The following JAK2 variants were observed in gnomAD, a reference collection of about 807,000 sequenced individuals.
The protein encoded by JAK2 is Janus kinase 2.
JAK2 carries 86 observed loss-of-function variants against 139.3 expected under a neutral mutation model. The ratio of observed to expected loss-of-function variants is 0.62; its 90% CI spans 0.52 to 0.74. The LOEUF is 0.74. JAK2 is among the 30% of genes least tolerant of loss of function. The pLI is 0.00. For missense variants in JAK2, 1,421 were observed against 1,360.3 expected (o/e 1.04, Z -0.70); for synonymous variants, 490 against 437.7 (o/e 1.12, Z -1.49).
chr9:5,013,667 T>G lies in JAK2; in HGVS notation c.-25-8296T>G, dbSNP rs372630195. ...TTCATTACTTGTCAAAATTCTATTT[T>G]CCTTTTAAGGTCCAGCCTATGTTTT... On this transcript the variant is annotated intron_variant, in intron 2 of 24. Coordinates refer to ENST00000381652, the MANE Select transcript of JAK2 (RefSeq NM_004972.4). Among the ~76,000 whole-genome samples the G allele has an allele frequency of 4.0e-3, 606 of 152,342 alleles. 4 individuals carry two copies. The highest frequency in any genetic ancestry group is 0.014 in the African/African-American group (578 of 41,576).
chr9:5,084,885 A>G (rs1332753855), intron 19 of JAK2: 1 of 422,290 alleles, frequency 2.4e-6, no homozygotes, highest in Non-Finnish European at 4.5e-6. Flanking sequence ...AATAAGTTTG[A>G]TATCTTTTAA....
At chr9:5,079,192 C>G (rs1819508667) in intron 16 of JAK2, among the ~76,000 whole-genome samples, 1 of 152,132 alleles carries the variant, frequency 6.6e-6, no homozygotes, top group Non-Finnish European at 1.5e-5. Flanking sequence ...GGTCTTACAT[C>G]TGGTATCCTG....
chr9:5,101,774 C>G (rs935946523), intron 22 of JAK2, among the ~76,000 whole-genome samples: 2 of 152,178 alleles, frequency 1.3e-5, no homozygotes, highest in African/African-American at 4.8e-5. Context: ...TGGAGTGGAC[C>G]TCCAGCAAAC....
At chr9:5,022,807 C>T (rs7851556) in intron 3 of JAK2, among the ~76,000 whole-genome samples, 51,600 of 152,030 alleles carry the variant, frequency 0.34, 9,375 homozygotes, top group African/African-American at 0.48. Flanking sequence ...ATAGAGCCTA[C>T]TATCATGGTA....
chr9:5,115,995 G>A (rs529530282), intron 22 of JAK2, among the ~76,000 whole-genome samples: 10 of 152,054 alleles, frequency 6.6e-5, no homozygotes, highest in African/African-American at 1.7e-4. Flanking sequence ...ACCATGACAC[G>A]TGTATACCTA....
intron 22 of JAK2, chr9:5,111,096 C>T: frequency 8.2e-7 from 1 of 1,222,984 alleles, no homozygotes; most frequent in Non-Finnish European, 1.1e-6. Context: ...GGGGCAGCGG[C>T]GACCAGAACA....
intron 22 of JAK2, among the ~76,000 whole-genome samples, chr9:5,117,273 G>A (rs945316235): frequency 1.3e-5 from 2 of 152,152 alleles, no homozygotes; most frequent in Non-Finnish European, 1.5e-5. Flanking sequence ...TGGACGCCCA[G>A]TACATCATGT....
intron 2 of JAK2, among the ~76,000 whole-genome samples, chr9:5,013,663 A>G (rs909839968): frequency 6.6e-6 from 1 of 151,912 alleles, no homozygotes; most frequent in Non-Finnish European, 1.5e-5. Flanking sequence ...TCAAAATTCT[A>G]TTTTCCTTTT....
chr9:5,029,779 C>G lies in JAK2; in HGVS notation c.227-4C>G. On this transcript the variant is annotated splice_region_variant and splice_polypyrimidine_tract_variant and intron_variant, in intron 3 of 24. Coordinates refer to ENST00000381652, the MANE Select transcript of JAK2 (RefSeq NM_004972.4). ...AATAATTCCTTTCTCTGCTTCTTTT[C>G]TAGGTATCACACCTGTGTATCATAA... 6.2e-7 allele frequency: 1 copy of G among 1,601,700 alleles called. No individual in the cohort carries two copies. Among genetic ancestry groups the G allele is most frequent in the Non-Finnish European group, 8.5e-7 (1 of 1,174,596 alleles).
At chr9:5,009,643 C>T (rs563290365) in intron 2 of JAK2, among the ~76,000 whole-genome samples, 1 of 152,088 alleles carries the variant, frequency 6.6e-6, no homozygotes, top group African/African-American at 2.4e-5. Flanking sequence ...TCCTACAACC[C>T]CTGCCCCATC....
rs41303215 is a variant in JAK2 at position 5,127,180 on chromosome 9, T to C, written c.*389T>C. 1,031 of 236,952 alleles carry C rather than the reference T, an allele frequency of 4.4e-3. 5 individuals are homozygous for C. Among genetic ancestry groups the C allele is most frequent in the Non-Finnish European group, 6.0e-3 (723 of 120,268 alleles). The allele number at this position is 236,952 out of a possible 1,614,324, so 14.7% of individuals were successfully genotyped here. On this transcript the variant is annotated 3_prime_UTR_variant, in exon 25 of 25. Coordinates refer to ENST00000381652, the MANE Select transcript of JAK2 (RefSeq NM_004972.4). ...TGTATAGTTTTTACCACAGTGGATGTATAATACCTTGGCATCTTGTGTGAT... is the reference window on the plus strand; with the variant it reads ...TGTATAGTTTTTACCACAGTGGATGCATAATACCTTGGCATCTTGTGTGAT...
intron 4 of JAK2, among the ~76,000 whole-genome samples, chr9:5,036,039 C>G (rs201105843): frequency 1.3e-5 from 2 of 152,128 alleles, no homozygotes; most frequent in Non-Finnish European, 2.9e-5. Flanking sequence ...AAAGTCTCAG[C>G]ATACAAAATC....
rs1401384718 is a variant in JAK2 at position 5,128,247 on chromosome 9, G to A, written c.*1456G>A. ...GAAGACTTCTGATTTTGGGTTGAAGGGAAGGAAAAGGAAGAAATGTTTTTT... is the reference window on the plus strand; with the variant it reads ...GAAGACTTCTGATTTTGGGTTGAAGAGAAGGAAAAGGAAGAAATGTTTTTT... On this transcript the variant is annotated 3_prime_UTR_variant, in exon 25 of 25. Transcript: ENST00000381652. The A allele has an allele frequency of 4.3e-6, 1 of 230,224 alleles. No individual in the cohort carries two copies. The highest frequency in any genetic ancestry group is 8.6e-6 in the Non-Finnish European group (1 of 116,216). 14.3% of individuals were successfully genotyped at this position (230,224 alleles called of 1,614,324 possible).
rs76470180 is a variant in JAK2 at position 5,125,410 on chromosome 9, A to G, written c.3178-923A>G. Among the ~76,000 whole-genome samples, 32 of 151,632 alleles carry G rather than the reference A, an allele frequency of 2.1e-4. No individual in the cohort carries two copies. In the East Asian group the frequency reaches 5.8e-3, roughly 27 times the overall value. ...CTGAGTAGCATTCCATCATAAGGCT[A>G]TATATGTCTGAACAATCATTTTCCA... On this transcript the variant is annotated intron_variant, in intron 23 of 24. Coordinates refer to ENST00000381652, the MANE Select transcript of JAK2 (RefSeq NM_004972.4).
chr9:5,068,929 G>C (rs956076794), intron 10 of JAK2, 93 bp from the exon 11 acceptor site: 2 of 711,964 alleles, frequency 2.8e-6, no homozygotes, highest in Non-Finnish European at 4.6e-6. Context: ...TGTTTATTCT[G>C]TTGCTTGTTC....
chr9:5,083,715 T>C (rs915647416), intron 19 of JAK2, among the ~76,000 whole-genome samples: 1 of 152,120 alleles, frequency 6.6e-6, no homozygotes, highest in Non-Finnish European at 1.5e-5. Flanking sequence ...AAAGAATACA[T>C]CAAAAGATCA....
Position 5,080,276 on chromosome 9 carries a change from C to G in JAK2, c.2179C>G (p.Pro727Ala). 6.2e-7 allele frequency: 1 copy of G among 1,613,520 alleles called. No homozygotes were observed. The highest frequency in any genetic ancestry group is 8.5e-7 in the Non-Finnish European group (1 of 1,179,594). The change falls in exon 17 of 25, where the codon CCT becomes GCT. Residue 727 changes from proline (P) to alanine (A), a missense_variant. Pro to Ala is a conservative substitution (Grantham distance 27). Transcript: ENST00000381652. ...GGTACCACCTGAATGCATTGAAAATCCTAAAAATTTAAATTTGGCAACAGA... is the reference window on the plus strand; with the variant it reads ...GGTACCACCTGAATGCATTGAAAATGCTAAAAATTTAAATTTGGCAACAGA... ...PWVPPECIEN[P>A]KNLNLATDKW...
chr9:5,086,328 T>C (rs1489057774), intron 19 of JAK2, among the ~76,000 whole-genome samples: 1 of 152,200 alleles, frequency 6.6e-6, no homozygotes, highest in Non-Finnish European at 1.5e-5. Context: ...ATCCTTTACC[T>C]TCTCGCTTCA....
At chr9:5,097,434 T>C (rs992910951) in intron 22 of JAK2, 2 of 152,186 alleles carry the variant, frequency 1.3e-5, no homozygotes, top group Non-Finnish European at 2.9e-5. Flanking sequence ...TCGTGACGTA[T>C]TACTCTGGAA....
Sources: allele counts gnomAD v4.1 joint callset (sites outside exome capture counted in the v4.1 genomes callset), GRCh38; gene constraint gnomAD v4.1.1; transcripts MANE v1.5; gene names NCBI Gene and HGNC (gene_info 2026-07-23, HGNC 2026-07-21).